The following POLA2 variants were observed in gnomAD, a reference collection of about 807,000 sequenced individuals.
The protein encoded by POLA2 is DNA polymerase alpha 2, accessory subunit.
A neutral mutation model predicts 82.8 loss-of-function variants in POLA2; 47 were observed. That is an observed-to-expected ratio of 0.57 (90% CI 0.45 to 0.72). POLA2 has a LOEUF of 0.72. POLA2 is among the 30% of genes least tolerant of loss of function. POLA2 has a pLI of 0.00. For synonymous variants in POLA2, 287 were observed against 286.8 expected, an observed-to-expected ratio of 1.00 and a Z score of -0.01; for missense variants, 634 against 728.1, an observed-to-expected ratio of 0.87 and a Z score of 1.49.
chr11:65,284,469 G>A (rs926621644), intron 10 of POLA2, among the ~76,000 whole-genome samples: 1 of 151,830 alleles, frequency 6.6e-6, no homozygotes, highest in Non-Finnish European at 1.5e-5. Context: ...GTGTCAGAGT[G>A]AGACCCTGTC....
At chr11:65,299,922 C>T (rs1296513206), downstream of POLA2, among the ~76,000 whole-genome samples, 1 of 152,122 alleles carries the variant, frequency 6.6e-6, no homozygotes, top group East Asian at 1.9e-4. Flanking sequence ...AAACTCCTGA[C>T]CTCAAGTGAT....
At chr11:65,280,849 A>G in intron 7 of POLA2, 143 bp from the exon 8 acceptor site, 1 of 716,638 alleles carries the variant, frequency 1.4e-6, no homozygotes, top group Non-Finnish European at 2.3e-6. Context: ...ATGACGCGGT[A>G]GTCACCTCAG....
Position 65,269,577 on chromosome 11 carries a change from G to A in POLA2, c.354+848G>A, listed in dbSNP as rs999009482. Among the ~76,000 whole-genome samples, 7 of 152,054 alleles carry A rather than the reference G, an allele frequency of 4.6e-5. 1 individual carries two copies. Among genetic ancestry groups the A allele is most frequent in the Admixed American group, 2.6e-4 (4 of 15,276 alleles). On this transcript the variant is annotated intron_variant, in intron 4 of 17. Coordinates refer to ENST00000265465, the MANE Select transcript of POLA2 (RefSeq NM_002689.4). ...AATGAAACAGACATGGATGGGCTCT[G>A]CCCTCAAGAAGCTGACAGCCAGTGC...
chr11:65,272,258 G>A (rs867422181), intron 4 of POLA2, among the ~76,000 whole-genome samples: 1 of 152,156 alleles, frequency 6.6e-6, no homozygotes, highest in African/African-American at 2.4e-5. Context: ...GCAGTGAGCT[G>A]AGATCATGCC....
intron 15 of POLA2, chr11:65,294,861 C>T: frequency 2.3e-6 from 1 of 435,848 alleles, no homozygotes; most frequent in Non-Finnish European, 4.1e-6. Flanking sequence ...CCTCTCTAAA[C>T]TGCGTTTGAG....
chr11:65,288,330 A>G (rs1949718714), intron 11 of POLA2, among the ~76,000 whole-genome samples: 1 of 151,874 alleles, frequency 6.6e-6, no homozygotes, highest in African/African-American at 2.4e-5. Flanking sequence ...TAAAAGCCCA[A>G]CTTTTTTTTT....
chr11:65,264,095 G>C (rs1949431959), intron 1 of POLA2, among the ~76,000 whole-genome samples: 1 of 151,978 alleles, frequency 6.6e-6, no homozygotes, highest in Non-Finnish European at 1.5e-5. Flanking sequence ...TTTTGAGATG[G>C]AGTTTCTCAT....
chr11:65,269,208 C>A (rs576415184), intron 4 of POLA2, among the ~76,000 whole-genome samples: 3 of 152,304 alleles, frequency 2.0e-5, no homozygotes, highest in Admixed American at 2.0e-4. Flanking sequence ...TGTGGCCAGG[C>A]GCAGTGGCTC....
chr11:65,262,085 AT>A lies in POLA2; in HGVS notation c.-202del. The A allele has an allele frequency of 1.8e-6, 1 of 554,354 alleles. No homozygotes were observed. Among genetic ancestry groups the A allele is most frequent in the Non-Finnish European group, 3.2e-6 (1 of 314,368 alleles). 34.3% of individuals were successfully genotyped at this position (554,354 alleles called of 1,614,324 possible). On this transcript the variant is annotated 5_prime_UTR_variant, in exon 1 of 18. Transcript: ENST00000265465. ...CAGGGCGTTTGGGAGCCACCCCTTC[AT>A]TTTTTAAAAAAAGTATTTCTCTGTG...
intron 1 of POLA2, among the ~76,000 whole-genome samples, chr11:65,263,630 C>G (rs1949425542): frequency 3.3e-5 from 5 of 152,090 alleles, no homozygotes; most frequent in Admixed American, 3.3e-4. Context: ...GAATTTGAGA[C>G]CAGCCTGACC....
At chr11:65,276,935 C>T (rs1237762421) in intron 5 of POLA2, among the ~76,000 whole-genome samples, 2 of 151,722 alleles carry the variant, frequency 1.3e-5, no homozygotes, top group African/African-American at 4.8e-5. Context: ...GGTCTACAGG[C>T]GCTCGCCACC....
rs146866280 is a variant in POLA2 at position 65,294,156 on chromosome 11, C to G, written c.1248C>G (p.Ser416=). The G allele has an allele frequency of 1.1e-4, 170 of 1,611,798 alleles. No individual in the cohort carries two copies. The African/African-American group carries it at 1.9e-3, about 18-fold the overall frequency. The change falls in exon 14 of 18, where the codon TCC becomes TCG. Residue 416 remains serine, a synonymous_variant. Transcript: ENST00000265465. ...GTTTGTTCTTTTGCCATACTAGCTC[C>G]GGCTCCCACCTTGTCTTTGTCCCGT... ...LRTIIEGTRS[S]GSHLVFVPSL...
Position 65,291,152 on chromosome 11 carries a change from A to T in POLA2, c.1244+1280A>T, listed in dbSNP as rs771195024. Among the ~76,000 whole-genome samples the T allele has an allele frequency of 8.6e-4, 131 of 152,334 alleles. 1 individual carries two copies. Among genetic ancestry groups the T allele is most frequent in the Non-Finnish European group, 1.6e-3 (106 of 68,022 alleles). ...GTGCCAGGGTTTGAAAGAAGTTGGT[A>T]TAGGTGGTAGATCTCCTCACAAGAT... On this transcript the variant is annotated intron_variant, in intron 13 of 17. Coordinates refer to ENST00000265465, the MANE Select transcript of POLA2 (RefSeq NM_002689.4).
At chr11:65,277,085 G>A (rs952672938) in intron 5 of POLA2, among the ~76,000 whole-genome samples, 2 of 151,768 alleles carry the variant, frequency 1.3e-5, no homozygotes, top group East Asian at 1.9e-4. Flanking sequence ...CACTGCTCTC[G>A]GCCTTTTCAG....
Position 65,275,877 on chromosome 11 carries a change from C to A in POLA2, c.355-15C>A. 1 of 1,515,604 alleles carries A rather than the reference C, an allele frequency of 6.6e-7. No homozygotes were observed. The allele number at this position is 1,515,604 out of a possible 1,614,324, so 93.9% of individuals were successfully genotyped here. On this transcript the variant is annotated splice_polypyrimidine_tract_variant and intron_variant, in intron 4 of 17. Coordinates refer to ENST00000265465, the MANE Select transcript of POLA2 (RefSeq NM_002689.4). ...CTAGTAGGACTGAGATTTTGTTTTC[C>A]TTTTTTTTCCCTAGGGTTCTCAGAA...
chr11:65,302,309 G>C (rs1949863161), downstream of POLA2, among the ~76,000 whole-genome samples: 1 of 152,202 alleles, frequency 6.6e-6, no homozygotes, highest in South Asian at 2.1e-4. Flanking sequence ...GCTGGGTAGA[G>C]GCACCCCTAG....
chr11:65,284,127 C>CCAGATAGA (rs1555021561), intron 10 of POLA2, among the ~76,000 whole-genome samples: 12 of 143,180 alleles, frequency 8.4e-5, no homozygotes, highest in Non-Finnish European at 1.2e-4. Flanking sequence ...GAGTAAGACA[C>CCAGATAGA]TAGATAGATA....
intron 6 of POLA2, 150 bp from the exon 7 acceptor site, chr11:65,279,388 T>C: frequency 1.6e-6 from 1 of 606,112 alleles, no homozygotes. Context: ...TGGCAAAGGT[T>C]TTAGAAGGTT....
At position 65,295,939 on chromosome 11, in the gene POLA2, T is replaced by C. The variant is rs772516730; in HGVS notation, c.1596T>C (p.Pro532=). The change falls in exon 17 of 18, where the codon CCT becomes CCC. Residue 532 remains proline, a synonymous_variant. Coordinates refer to ENST00000265465, the MANE Select transcript of POLA2 (RefSeq NM_002689.4). ...YESFYVYAQL[P]VTPDVLIIPS... ...CGTTCTATGTTTACGCACAGCTGCC[T>C]GTCACCCCAGATGTCCTCATCATCC... The C allele has an allele frequency of 6.2e-7, 1 of 1,614,146 alleles. No individual in the cohort carries two copies. The highest frequency in any genetic ancestry group is 1.7e-5 in the Admixed American group (1 of 60,024).
Sources: allele counts gnomAD v4.1 joint callset (sites outside exome capture counted in the v4.1 genomes callset), GRCh38; gene constraint gnomAD v4.1.1; transcripts MANE v1.5; gene names NCBI Gene and HGNC (gene_info 2026-07-23, HGNC 2026-07-21).